Variants in DHRS7B observed in about 807,000 individuals in gnomAD.
DHRS7B encodes dehydrogenase/reductase 7B, also known as peroxisomal reductase activating PPAR-gamma.
DHRS7B carries 24 observed loss-of-function variants against 26.4 expected under a neutral mutation model. The ratio of observed to expected loss-of-function variants is 0.91; its 90% CI spans 0.66 to 1.28. The LOEUF (loss-of-function observed/expected upper bound fraction) is 1.28. DHRS7B is among the 50% of genes most tolerant of loss of function. The pLI is 0.00. For missense variants in DHRS7B, 368 were observed against 419.4 expected (o/e 0.88, Z 1.07); for synonymous variants, 142 against 166.4 (o/e 0.85, Z 1.13).
intron 1 of DHRS7B, among the ~76,000 whole-genome samples, chr17:21,139,342 A>ATTTGCCG (rs1973437541): frequency 6.6e-6 from 1 of 152,084 alleles, no homozygotes; most frequent in Admixed American, 6.5e-5. Flanking sequence ...CCCCCGTGCC[A>ATTTGCCG]TATTTTGACA....
intron 5 of DHRS7B, 31 bp downstream of exon 5, chr17:21,184,494 G>A: frequency 6.3e-7 from 1 of 1,582,998 alleles, no homozygotes; most frequent in South Asian, 1.1e-5. Flanking sequence ...CAAAATGCTT[G>A]GCTTTATTGT....
rs1052701281 is a variant in DHRS7B at position 21,130,863 on chromosome 17, TC to T, written c.20+3873del. 2.0e-5 allele frequency among the ~76,000 whole-genome samples: 3 copies of T among 152,322 alleles called. No individual in the cohort carries two copies. In the East Asian group the frequency reaches 5.8e-4, roughly 29 times the overall value. On this transcript the variant is annotated intron_variant, in intron 1 of 6. Transcript: ENST00000395511. ...TTTAATGCAAAAATGAACTCTCTAT[TC>T]TGGAAGGCCATAAGCATGAGGGTGA...
chr17:21,178,408 T>C lies in DHRS7B; in HGVS notation c.309+66T>C, dbSNP rs999467255. 6.0e-6 allele frequency: 8 copies of C among 1,325,968 alleles called. No individual in the cohort carries two copies. In the African/African-American group the frequency reaches 1.2e-4, roughly 19 times the overall value. 82.1% of individuals were successfully genotyped at this position (1,325,968 alleles called of 1,614,324 possible). A position where few individuals can be genotyped will look rare whatever the true frequency, so the allele number is the denominator to read the frequency against. On this transcript the variant is annotated intron_variant, in intron 3 of 6. Transcript: ENST00000395511. Reference sequence around the variant, plus strand: ...CCGTCTTCTGTAGGCACTGAGGAGATAGTGGCCCACTCCTGGACTGCTGAG... The same window carrying C: ...CCGTCTTCTGTAGGCACTGAGGAGACAGTGGCCCACTCCTGGACTGCTGAG...
At chr17:21,159,308 C>T (rs982110452) in intron 1 of DHRS7B, among the ~76,000 whole-genome samples, 1 of 149,928 alleles carries the variant, frequency 6.7e-6, no homozygotes, top group African/African-American at 2.5e-5. Flanking sequence ...AGTGCAGTGG[C>T]GTGATCTTGG....
intron 1 of DHRS7B, among the ~76,000 whole-genome samples, chr17:21,157,676 A>G (rs1326654587): frequency 6.6e-6 from 1 of 152,220 alleles, no homozygotes; most frequent in Admixed American, 6.5e-5. Context: ...TGTGGGCAAG[A>G]AAGTGAGACC....
intron 2 of DHRS7B, among the ~76,000 whole-genome samples, chr17:21,173,638 C>T (rs1369423906): frequency 3.3e-5 from 5 of 152,140 alleles, no homozygotes; most frequent in African/African-American, 1.2e-4. Context: ...TTCATTTGTG[C>T]ACCACTGTGG....
intron 1 of DHRS7B, among the ~76,000 whole-genome samples, chr17:21,143,719 C>T (rs1973579064): frequency 6.6e-6 from 1 of 152,130 alleles, no homozygotes; most frequent in African/African-American, 2.4e-5. Flanking sequence ...CCTGTGTGTG[C>T]CCCTTCTGAG....
intron 1 of DHRS7B, among the ~76,000 whole-genome samples, chr17:21,154,003 AG>A (rs1357855900): frequency 6.6e-6 from 1 of 152,144 alleles, no homozygotes; most frequent in East Asian, 1.9e-4. Flanking sequence ...CCTATAGAGG[AG>A]GAGAGATAAG....
chr17:21,148,788 A>T (rs1296461491), intron 1 of DHRS7B, among the ~76,000 whole-genome samples: 1 of 152,122 alleles, frequency 6.6e-6, no homozygotes, highest in Admixed American at 6.6e-5. Context: ...TAAAAAAAAA[A>T]TGATGAAAAG....
intron 3 of DHRS7B, among the ~76,000 whole-genome samples, chr17:21,183,245 G>A (rs1974553146): frequency 6.6e-6 from 1 of 151,664 alleles, no homozygotes; most frequent in Non-Finnish European, 1.5e-5. Context: ...CATCATTTCT[G>A]TAAAGTCAGT....
At chr17:21,157,386 T>C (rs1254041595) in intron 1 of DHRS7B, among the ~76,000 whole-genome samples, 1 of 152,172 alleles carries the variant, frequency 6.6e-6, no homozygotes, top group Non-Finnish European at 1.5e-5. Context: ...TTATCCAAGA[T>C]GTGTAAGTCT....
chr17:21,188,387 A>G (rs1199445574), intron 5 of DHRS7B, among the ~76,000 whole-genome samples: 5 of 152,154 alleles, frequency 3.3e-5, no homozygotes, highest in African/African-American at 1.2e-4. Context: ...ATGCTCATTT[A>G]TTCCTATTTC....
intron 1 of DHRS7B, among the ~76,000 whole-genome samples, chr17:21,138,127 C>CACACAT (rs1464630833): frequency 7.1e-6 from 1 of 141,704 alleles, no homozygotes; most frequent in African/African-American, 2.6e-5. Context: ...CACACACACA[C>CACACAT]ACACATATAT....
intron 3 of DHRS7B, among the ~76,000 whole-genome samples, chr17:21,180,970 A>T (rs1319008849): frequency 6.6e-6 from 1 of 152,156 alleles, no homozygotes; most frequent in Non-Finnish European, 1.5e-5. Context: ...CATCTTCTTT[A>T]ATTTCTGTCA....
intron 1 of DHRS7B, chr17:21,127,300 C>G (rs1205441643): frequency 2.5e-6 from 1 of 395,102 alleles, no homozygotes; most frequent in Non-Finnish European, 4.5e-6. Flanking sequence ...GGCCTCGCGC[C>G]CACAGGGCTC....
chr17:21,137,460 A>AT (rs996135932), intron 1 of DHRS7B, among the ~76,000 whole-genome samples: 1,805 of 132,816 alleles, frequency 0.014, 30 homozygotes, highest in African/African-American at 0.037. Flanking sequence ...CGCCTGGCTA[A>AT]TTTTTTTTTT....
At chr17:21,141,199 C>A (rs986769831) in intron 1 of DHRS7B, among the ~76,000 whole-genome samples, 1 of 152,088 alleles carries the variant, frequency 6.6e-6, no homozygotes, top group African/African-American at 2.4e-5. Flanking sequence ...CCAGACACCC[C>A]CAGGAGGCCA....
intron 1 of DHRS7B, 128 bp downstream of exon 1, chr17:21,127,119 G>A: frequency 9.8e-7 from 1 of 1,016,274 alleles, no homozygotes; most frequent in African/African-American, 1.7e-5. Context: ...GCCCTGGGCG[G>A]CTTCCGGATC....
At chr17:21,144,733 G>A (rs918618886) in intron 1 of DHRS7B, among the ~76,000 whole-genome samples, 5 of 152,096 alleles carry the variant, frequency 3.3e-5, no homozygotes, top group South Asian at 2.1e-4. Context: ...CAGAGGAACC[G>A]CTTGAACCCA....
Sources: allele counts gnomAD v4.1 joint callset (sites outside exome capture counted in the v4.1 genomes callset), GRCh38; gene constraint gnomAD v4.1.1; transcripts MANE v1.5; gene names NCBI Gene and HGNC (gene_info 2026-07-23, HGNC 2026-07-21).